RIMS1: variants seen among roughly 807,000 people sequenced by gnomAD.
RIMS1 encodes the protein regulating synaptic membrane exocytosis protein 1.
Under a neutral mutation model 214.1 loss-of-function variants are expected in RIMS1, and 83 were observed. That is an observed-to-expected ratio of 0.39 (90% CI 0.32 to 0.47). The LOEUF is 0.47. Ranked by LOEUF, RIMS1 falls within the 20% of genes least tolerant of loss-of-function variation. RIMS1 has a pLI of 0.99. For synonymous variants in RIMS1, 793 were observed against 786.8 expected, an observed-to-expected ratio of 1.01 and a Z score of -0.13; for missense variants, 2,050 against 2,161.8, an observed-to-expected ratio of 0.95 and a Z score of 1.03.
intron 1 of RIMS1, among the ~76,000 whole-genome samples, chr6:71,940,239 C>T (rs907850741): frequency 2.5e-4 from 38 of 152,174 alleles, no homozygotes; most frequent in African/African-American, 8.7e-4. Flanking sequence ...ACAAGCATTA[C>T]TATAGTAGCA....
intron 16 of RIMS1, among the ~76,000 whole-genome samples, chr6:72,257,774 T>C (rs2076478124): frequency 6.6e-6 from 1 of 152,200 alleles, no homozygotes; most frequent in Admixed American, 6.6e-5. Context: ...GTATATTAAC[T>C]ATAGTTTCAT....
At chr6:72,370,576 T>G (rs533071006) in intron 29 of RIMS1, among the ~76,000 whole-genome samples, 2 of 152,342 alleles carry the variant, frequency 1.3e-5, no homozygotes, top group South Asian at 4.1e-4. Flanking sequence ...GAAATAGAAT[T>G]GCTTATGTGG....
intron 2 of RIMS1, among the ~76,000 whole-genome samples, chr6:71,989,255 T>C (rs967426202): frequency 5.9e-5 from 9 of 152,226 alleles, no homozygotes; most frequent in African/African-American, 2.2e-4. Context: ...TTTAGTACAG[T>C]GACTAGCACA....
chr6:72,299,674 G>A (rs998950365), intron 26 of RIMS1, among the ~76,000 whole-genome samples: 2 of 151,776 alleles, frequency 1.3e-5, no homozygotes, highest in African/African-American at 4.8e-5. Context: ...TACTTTAGTG[G>A]AATTCAAGTA....
intron 2 of RIMS1, among the ~76,000 whole-genome samples, chr6:71,992,404 CTCTTTCTTTCTTTCTTTCTTTCTT>C (rs70994109): frequency 6.2e-4 from 68 of 110,164 alleles, no homozygotes; most frequent in African/African-American, 2.3e-3. Context: ...TTCTCTCTCT[CTCTTTCTTTCTTTCTTTCTTTCTT>C]TCTTTCTTTC....
chr6:72,135,672 A>G (rs2041167035), intron 4 of RIMS1, among the ~76,000 whole-genome samples: 1 of 152,188 alleles, frequency 6.6e-6, no homozygotes, highest in African/African-American at 2.4e-5. Context: ...GCTACATCAC[A>G]GGGAAATTCA....
intron 5 of RIMS1, 103 bp downstream of exon 5, chr6:72,180,018 T>G (rs776772874): frequency 2.6e-5 from 19 of 736,354 alleles, no homozygotes; most frequent in Non-Finnish European, 3.5e-5. Flanking sequence ...GTGGAAGTAG[T>G]ACTTCTCAGG....
chr6:72,260,225 A>C (rs1446161605), intron 18 of RIMS1, among the ~76,000 whole-genome samples: 1 of 152,172 alleles, frequency 6.6e-6, no homozygotes, highest in Non-Finnish European at 1.5e-5. Flanking sequence ...AATTCTAATC[A>C]ATTATATTGT....
chr6:72,229,477 C>T (rs1016364958), intron 6 of RIMS1, among the ~76,000 whole-genome samples: 1 of 151,620 alleles, frequency 6.6e-6, no homozygotes, highest in African/African-American at 2.4e-5. Flanking sequence ...ATTGTAATGC[C>T]TAGATAATAA....
intron 22 of RIMS1, among the ~76,000 whole-genome samples, chr6:72,267,789 T>G (rs374879702): frequency 1.7e-4 from 26 of 152,268 alleles, no homozygotes; most frequent in African/African-American, 5.8e-4. Context: ...TGTCAGATAA[T>G]ACCCTTAAAG....
At chr6:72,364,040 G>A (rs1333615232) in intron 29 of RIMS1, among the ~76,000 whole-genome samples, 1 of 152,186 alleles carries the variant, frequency 6.6e-6, no homozygotes, top group East Asian at 1.9e-4. Context: ...GTCTTGAGAT[G>A]AGTCACCTGG....
chr6:72,184,245 A>G (rs988322392), intron 6 of RIMS1, among the ~76,000 whole-genome samples: 1 of 152,032 alleles, frequency 6.6e-6, no homozygotes, highest in Non-Finnish European at 1.5e-5. Flanking sequence ...TGCTCCCAAG[A>G]AGCAACGTCA....
intron 6 of RIMS1, among the ~76,000 whole-genome samples, chr6:72,208,384 G>A (rs2053278543): frequency 6.6e-6 from 1 of 152,156 alleles, no homozygotes; most frequent in Non-Finnish European, 1.5e-5. Flanking sequence ...TTCCCATCCA[G>A]TTTTAAGCTC....
chr6:72,102,041 T>C (rs1282917892), intron 4 of RIMS1, among the ~76,000 whole-genome samples: 1 of 151,940 alleles, frequency 6.6e-6, no homozygotes, highest in East Asian at 1.9e-4. Flanking sequence ...CCTAAATATA[T>C]AGCAATACTC....
rs994319264 is a variant in RIMS1, at chr6:72,124,399, C to T, written c.471+24413C>T. On this transcript the variant is annotated intron_variant, in intron 4 of 33. Coordinates refer to ENST00000521978, the MANE Select transcript of RIMS1 (RefSeq NM_014989.7). The stretch of plus-strand genomic sequence containing the variant: ...AACCCGACCTTTCTCTCAGGCTGCC[C>T]TCAAGGATTTTTCCTTCATTTCAAC... Among the ~76,000 whole-genome samples the T allele has an allele frequency of 6.6e-5, 10 of 151,848 alleles. 2 individuals are homozygous for T. Among genetic ancestry groups the T allele is most frequent in the Non-Finnish European group, 1.2e-4 (8 of 67,860 alleles).
chr6:72,334,266 C>A (rs1373054911), intron 29 of RIMS1, among the ~76,000 whole-genome samples: 7 of 151,762 alleles, frequency 4.6e-5, no homozygotes, highest in Admixed American at 2.0e-4. Flanking sequence ...CTTCAAGGTA[C>A]TGTATAAATA....
chr6:72,211,832 C>A (rs892535921), intron 6 of RIMS1, among the ~76,000 whole-genome samples: 1 of 151,282 alleles, frequency 6.6e-6, no homozygotes, highest in African/African-American at 2.4e-5. Flanking sequence ...ATATTAGTAC[C>A]AAAGTTTAAT....
At position 72,201,187 on chromosome 6, in the gene RIMS1, T is replaced by C. The variant is rs567900990; in HGVS notation, c.1678+18038T>C. On this transcript the variant is annotated intron_variant, in intron 6 of 33. Transcript: ENST00000521978. ...AGTTGCATTTGAAAGAAATTTCTAT[T>C]CTTGAATCAGGAGAAACTAAATTAA... is the stretch of plus-strand genomic sequence containing the variant. 5.3e-5 allele frequency among the ~76,000 whole-genome samples: 8 copies of C among 152,302 alleles called. No individual in the cohort carries two copies. In the South Asian group the frequency reaches 1.7e-3, roughly 32 times the overall value.
intron 6 of RIMS1, among the ~76,000 whole-genome samples, chr6:72,210,250 T>C (rs994321775): frequency 3.3e-5 from 5 of 152,250 alleles, no homozygotes; most frequent in Non-Finnish European, 7.3e-5. Flanking sequence ...TTTTTCCAAC[T>C]ATTTCTGCAA....
Sources: allele counts gnomAD v4.1 joint callset (sites outside exome capture counted in the v4.1 genomes callset), GRCh38; gene constraint gnomAD v4.1.1; transcripts MANE v1.5; gene names NCBI Gene and HGNC (gene_info 2026-07-23, HGNC 2026-07-21).